MARCHF4: variants seen among roughly 807,000 people sequenced by gnomAD.
The protein encoded by MARCHF4 is E3 ubiquitin-protein ligase MARCHF4.
MARCHF4 carries 14 observed loss-of-function variants against 43.9 expected under a neutral mutation model. That is an observed-to-expected ratio of 0.32 (90% CI 0.21 to 0.50). The LOEUF is 0.50. Ranked by LOEUF, MARCHF4 falls within the 20% of genes least tolerant of loss-of-function variation. The pLI, the probability that MARCHF4 is intolerant of heterozygous loss-of-function variation, is 0.98. For synonymous variants in MARCHF4, 226 were observed against 213.3 expected (o/e 1.06, Z -0.52); for missense variants, 468 against 536.7 (o/e 0.87, Z 1.27).
intron 1 of MARCHF4, among the ~76,000 whole-genome samples, chr2:216,292,102 C>T (rs1691317923): frequency 6.6e-6 from 1 of 152,220 alleles, no homozygotes; most frequent in South Asian, 2.1e-4. Context: ...AGTCCCTTTC[C>T]TCTAAACCAG....
chr2:216,261,692 G>A (rs1332931758), intron 3 of MARCHF4, among the ~76,000 whole-genome samples: 2 of 152,284 alleles, frequency 1.3e-5, no homozygotes, highest in Non-Finnish European at 2.9e-5. Flanking sequence ...TGAAGCTTAG[G>A]GAGAGGTCTG....
rs890698608 is a variant in MARCHF4 at position 216,371,972 on chromosome 2, T to C, written c.-1712A>G. 6.6e-6 allele frequency: 1 copy of C among 152,274 alleles called. No homozygotes were observed. The highest frequency in any genetic ancestry group is 2.4e-5 in the African/African-American group (1 of 41,438). 9.4% of individuals were successfully genotyped at this position (152,274 alleles called of 1,614,324 possible). On this transcript the variant is annotated 5_prime_UTR_variant, in exon 1 of 4. Coordinates refer to ENST00000273067, the MANE Select transcript of MARCHF4 (RefSeq NM_020814.3). Reference sequence around the variant, plus strand: ...GCAGATGCAACGAGGTAAGGCTTGTTTGCGGTGCCAGCTGAAGGTGGGGAG... The same window carrying C: ...GCAGATGCAACGAGGTAAGGCTTGTCTGCGGTGCCAGCTGAAGGTGGGGAG...
Position 216,368,043 on chromosome 2 carries a change from A to G in MARCHF4, c.516+1702T>C, listed in dbSNP as rs188415338. On this transcript the variant is annotated intron_variant, in intron 1 of 3. Transcript: ENST00000273067. Reference sequence around the variant, plus strand: ...AAGTTCACACAGTGGGGGAAATATTATCCCAGGGCACCTCCAAGTCCTGCT... The same window carrying G: ...AAGTTCACACAGTGGGGGAAATATTGTCCCAGGGCACCTCCAAGTCCTGCT... 1.1e-4 allele frequency among the ~76,000 whole-genome samples: 17 copies of G among 152,336 alleles called. No homozygotes were observed. The East Asian group carries it at 3.1e-3, about 28-fold the overall frequency.
At chr2:216,287,675 T>G (rs1291608907) in intron 1 of MARCHF4, among the ~76,000 whole-genome samples, 1 of 146,054 alleles carries the variant, frequency 6.8e-6, no homozygotes, top group Admixed American at 6.8e-5. Context: ...CATTAGGAGA[T>G]ATACCTAATG....
intron 1 of MARCHF4, among the ~76,000 whole-genome samples, chr2:216,348,032 C>CT (rs773695717): frequency 0.018 from 1,826 of 99,650 alleles, 43 homozygotes; most frequent in East Asian, 0.058. Context: ...TTAAGGCATT[C>CT]TTTTTTTTTT....
At chr2:216,309,910 A>G (rs1000781033) in intron 1 of MARCHF4, among the ~76,000 whole-genome samples, 1 of 151,946 alleles carries the variant, frequency 6.6e-6, no homozygotes, top group Non-Finnish European at 1.5e-5. Flanking sequence ...ATATAGCTCC[A>G]TTTCCCTGAT....
intron 1 of MARCHF4, among the ~76,000 whole-genome samples, chr2:216,365,099 C>T (rs535603453): frequency 4.5e-4 from 68 of 152,270 alleles, no homozygotes; most frequent in African/African-American, 1.5e-3. Flanking sequence ...AGCACTAAGA[C>T]GAGTAAGTAC....
chr2:216,297,120 G>A (rs187050856), intron 1 of MARCHF4, among the ~76,000 whole-genome samples: 7 of 152,240 alleles, frequency 4.6e-5, no homozygotes, highest in Admixed American at 2.0e-4. Flanking sequence ...AATAGACTTC[G>A]GTCTGTTGAC....
intron 1 of MARCHF4, among the ~76,000 whole-genome samples, chr2:216,350,961 C>CT (rs1207480717): frequency 6.6e-6 from 1 of 152,130 alleles, no homozygotes; most frequent in Non-Finnish European, 1.5e-5. Context: ...AACTTGGAGC[C>CT]AGGAGCCCAG....
intron 3 of MARCHF4, among the ~76,000 whole-genome samples, chr2:216,276,843 T>C (rs1261749818): frequency 1.3e-5 from 2 of 151,938 alleles, no homozygotes; most frequent in Admixed American, 1.3e-4. Context: ...ACAGCCACAA[T>C]CATCTGTTGG....
chr2:216,304,324 A>C (rs573862913), intron 1 of MARCHF4, among the ~76,000 whole-genome samples: 1 of 152,270 alleles, frequency 6.6e-6, no homozygotes, highest in African/African-American at 2.4e-5. Context: ...TCTGGTCTCT[A>C]TCTTGATTTC....
At chr2:216,298,152 A>G (rs1691427141) in intron 1 of MARCHF4, among the ~76,000 whole-genome samples, 2 of 150,324 alleles carry the variant, frequency 1.3e-5, no homozygotes, top group Non-Finnish European at 1.5e-5. Flanking sequence ...CTGCTCAACC[A>G]TCCTCCATCC....
At chr2:216,330,478 G>C (rs1345156570) in intron 1 of MARCHF4, among the ~76,000 whole-genome samples, 1 of 152,052 alleles carries the variant, frequency 6.6e-6, no homozygotes, top group South Asian at 2.1e-4. Context: ...AATTAACGAG[G>C]ATATGAAAGA....
At chr2:216,280,363 G>A (rs1297682320) in intron 2 of MARCHF4, among the ~76,000 whole-genome samples, 1 of 151,954 alleles carries the variant, frequency 6.6e-6, no homozygotes, top group Non-Finnish European at 1.5e-5. Flanking sequence ...AATGCTGTGT[G>A]CCTTAGAACA....
At chr2:216,358,557 A>C (rs772345310) in intron 1 of MARCHF4, among the ~76,000 whole-genome samples, 16 of 152,320 alleles carry the variant, frequency 1.1e-4, no homozygotes, top group Admixed American at 5.9e-4. Flanking sequence ...TCCAGAGCAC[A>C]ACCTCCTCTT....
At chr2:216,260,287 C>T (rs1179749633) in intron 3 of MARCHF4, among the ~76,000 whole-genome samples, 1 of 152,242 alleles carries the variant, frequency 6.6e-6, no homozygotes, top group Non-Finnish European at 1.5e-5. Flanking sequence ...GGGGATACTG[C>T]AGTCGGCAGG....
At chr2:216,278,800 G>T (rs1338928161) in intron 2 of MARCHF4, among the ~76,000 whole-genome samples, 2 of 152,146 alleles carry the variant, frequency 1.3e-5, no homozygotes, top group Non-Finnish European at 2.9e-5. Context: ...TACCAGTATT[G>T]ACAGATGGGT....
intron 1 of MARCHF4, among the ~76,000 whole-genome samples, chr2:216,317,133 C>T (rs1691790778): frequency 6.6e-6 from 1 of 152,224 alleles, no homozygotes; most frequent in Admixed American, 6.5e-5. Flanking sequence ...CCCCCAAAGC[C>T]ATACTCTTTC....
chr2:216,278,739 T>C (rs926722765), intron 2 of MARCHF4, among the ~76,000 whole-genome samples: 1 of 152,212 alleles, frequency 6.6e-6, no homozygotes, highest in Admixed American at 6.5e-5. Context: ...ATTTACTGAA[T>C]GCATATCAAC....
Sources: gnomAD v4.1 joint callset for allele counts (sites outside exome capture counted in the v4.1 genomes callset) on GRCh38, gnomAD v4.1.1 for gene constraint, MANE v1.5 for transcripts, NCBI Gene and HGNC (gene_info 2026-07-23, HGNC 2026-07-21) for gene names.